The following HIP1 variants were observed in gnomAD, a reference collection of about 807,000 sequenced individuals.
The protein encoded by HIP1 is huntingtin-interacting protein 1.
Under a neutral mutation model 147.6 loss-of-function variants are expected in HIP1, and 65 were observed. The ratio of observed to expected loss-of-function variants is 0.44; its 90% CI spans 0.36 to 0.54. The LOEUF (loss-of-function observed/expected upper bound fraction) is 0.54, where lower values mean the gene tolerates loss of function less well. Ranked by LOEUF, HIP1 falls within the 20% of genes least tolerant of loss-of-function variation. The probability of loss-of-function intolerance (pLI) is 0.00; values close to 1 mark genes in which losing one functional copy is unlikely to be tolerated. For missense variants in HIP1, 1,061 were observed against 1,299.6 expected (o/e 0.82, Z 2.82); for synonymous variants, 479 against 504.0 (o/e 0.95, Z 0.67).
chr7:75,691,630 C>T (rs1407847437), intron 1 of HIP1, among the ~76,000 whole-genome samples: 1 of 151,992 alleles, frequency 6.6e-6, no homozygotes, highest in Non-Finnish European at 1.5e-5. Flanking sequence ...GAAACCCCAT[C>T]TCTACTAAAA....
chr7:75,664,796 T>G (rs1554514459), intron 1 of HIP1, among the ~76,000 whole-genome samples: 1 of 152,074 alleles, frequency 6.6e-6, no homozygotes. Context: ...AATTTTTGTA[T>G]TTTTAGTAGG....
At chr7:75,545,012 C>A in intron 26 of HIP1, 76 bp downstream of exon 26, 1 of 928,392 alleles carries the variant, frequency 1.1e-6, no homozygotes, top group Non-Finnish European at 1.7e-6. Context: ...TTTTTTTTTC[C>A]CTCCTTAGCT....
At chr7:75,615,420 G>T (rs1226113290) in intron 1 of HIP1, among the ~76,000 whole-genome samples, 2 of 152,034 alleles carry the variant, frequency 1.3e-5, no homozygotes, top group Admixed American at 6.6e-5. Flanking sequence ...TGGGGATGGT[G>T]GTATATCTGT....
chr7:75,616,085 C>CAAAATAAAA (rs1797645941), intron 1 of HIP1, among the ~76,000 whole-genome samples: 1 of 35,322 alleles, frequency 2.8e-5, no homozygotes, highest in Non-Finnish European at 5.2e-5. Flanking sequence ...GACTCTGTCT[C>CAAAATAAAA]AAAAAAAAAA....
rs181123740 is a variant in HIP1 at position 75,640,238 on chromosome 7, G to A, written c.121-40991C>T. Among the ~76,000 whole-genome samples the A allele has an allele frequency of 2.0e-3, 303 of 152,282 alleles. 1 individual carries two copies. The highest frequency in any genetic ancestry group is 6.7e-3 in the African/African-American group (280 of 41,544). ...AAAGTTTTGGATGCAGCAGGGACCT[G>A]AGAGTCCACCTAGATCAACCCCACT... On this transcript the variant is annotated intron_variant, in intron 1 of 30. Transcript: ENST00000336926.
chr7:75,731,829 C>G (rs977268206), intron 1 of HIP1, among the ~76,000 whole-genome samples: 1 of 152,134 alleles, frequency 6.6e-6, no homozygotes, highest in Non-Finnish European at 1.5e-5. Context: ...TCAGGACCCA[C>G]GGTCACCATC....
intron 1 of HIP1, among the ~76,000 whole-genome samples, chr7:75,722,664 T>G (rs1163662880): frequency 6.6e-6 from 1 of 152,172 alleles, no homozygotes; most frequent in African/African-American, 2.4e-5. Context: ...AAGCTCTCTT[T>G]CCAGCAGAGA....
chr7:75,668,924 A>G (rs181856999), intron 1 of HIP1, among the ~76,000 whole-genome samples: 16 of 152,280 alleles, frequency 1.1e-4, no homozygotes, highest in Non-Finnish European at 2.1e-4. Flanking sequence ...CATCACCCCA[A>G]AAAGAAAACC....
At chr7:75,657,193 A>G (rs142098094) in intron 1 of HIP1, among the ~76,000 whole-genome samples, 69 of 152,340 alleles carry the variant, frequency 4.5e-4, no homozygotes, top group Non-Finnish European at 8.7e-4. Flanking sequence ...CTGGAGAAAG[A>G]AAATGCAGTA....
At chr7:75,628,269 T>C (rs926660560) in intron 1 of HIP1, among the ~76,000 whole-genome samples, 1 of 152,156 alleles carries the variant, frequency 6.6e-6, no homozygotes, top group Non-Finnish European at 1.5e-5. Context: ...GCACCTGGCA[T>C]ATGGAAGACA....
intron 22 of HIP1, among the ~76,000 whole-genome samples, chr7:75,549,396 A>C (rs1244060854): frequency 1.5e-5 from 2 of 136,898 alleles, no homozygotes; most frequent in Non-Finnish European, 3.1e-5. Flanking sequence ...TTTGAGACAG[A>C]GTCTCAATCT....
intron 1 of HIP1, among the ~76,000 whole-genome samples, chr7:75,701,011 C>T (rs1234755892): frequency 2.0e-5 from 3 of 152,078 alleles, no homozygotes; most frequent in Non-Finnish European, 4.4e-5. Flanking sequence ...GGCCCCTGAC[C>T]CGGTGAAAAC....
chr7:75,539,194 G>C (rs1458543179), intron 30 of HIP1, 129 bp downstream of exon 30: 17 of 674,624 alleles, frequency 2.5e-5, no homozygotes, highest in Non-Finnish European at 4.6e-5. Flanking sequence ...GGTTCCATGA[G>C]GAGAGAAGAG....
intron 1 of HIP1, among the ~76,000 whole-genome samples, chr7:75,682,205 C>CT (rs760623146): frequency 3.1e-4 from 29 of 94,664 alleles, no homozygotes; most frequent in Non-Finnish European, 4.3e-4. Context: ...GATCCACCCA[C>CT]CTGGCCTCCC....
intron 7 of HIP1, among the ~76,000 whole-genome samples, chr7:75,580,415 C>T (rs1554498381): frequency 6.6e-6 from 1 of 151,792 alleles, no homozygotes; most frequent in Non-Finnish European, 1.5e-5. Context: ...TGTGGTCTTT[C>T]TGCTCAGACG....
At chr7:75,538,732 G>A (rs1352158332) in intron 30 of HIP1, among the ~76,000 whole-genome samples, 1 of 151,954 alleles carries the variant, frequency 6.6e-6, no homozygotes, top group African/African-American at 2.4e-5. Context: ...CCACCACCAC[G>A]CCAGGCTAAT....
chr7:75,641,430 T>C (rs544360645), intron 1 of HIP1, among the ~76,000 whole-genome samples: 3 of 151,824 alleles, frequency 2.0e-5, no homozygotes, highest in Admixed American at 2.0e-4. Flanking sequence ...GTCTTCCCTC[T>C]ATTTTATTTG....
chr7:75,651,163 G>C, intron 1 of HIP1, among the ~76,000 whole-genome samples: 1 of 151,836 alleles, frequency 6.6e-6, no homozygotes, highest in Non-Finnish European at 1.5e-5. Context: ...GGGAGGGTGA[G>C]AGGGTCTTCA....
intron 5 of HIP1, among the ~76,000 whole-genome samples, chr7:75,585,262 G>A (rs1397351745): frequency 6.7e-6 from 1 of 149,838 alleles, no homozygotes; most frequent in Non-Finnish European, 1.5e-5. Flanking sequence ...TCGGCTCGCT[G>A]CAACCTCCGC....
Sources: allele counts gnomAD v4.1 joint callset (sites outside exome capture counted in the v4.1 genomes callset), GRCh38; gene constraint gnomAD v4.1.1; transcripts MANE v1.5; gene names NCBI Gene and HGNC (gene_info 2026-07-23, HGNC 2026-07-21).